Variants in TMEM213 observed in about 807,000 individuals in gnomAD.
The protein encoded by TMEM213 is transmembrane protein 213.
TMEM213 carries 7 observed loss-of-function variants against 11.6 expected under a neutral mutation model. The ratio of observed to expected loss-of-function variants is 0.60; its 90% CI spans 0.34 to 1.13. TMEM213 has a LOEUF of 1.13. Among genes scored for constraint, TMEM213 ranks in the 50% most tolerant of loss-of-function variants. The probability of loss-of-function intolerance (pLI) is 0.03; values close to 1 mark genes in which losing one functional copy is unlikely to be tolerated. For synonymous variants in TMEM213, 60 were observed against 58.3 expected (o/e 1.03, Z -0.13); for missense variants, 129 against 139.0 (o/e 0.93, Z 0.36).
In TMEM213 at chr7:138,798,129, C is replaced by G. The variant is rs1419317084; in HGVS notation, c.25C>G (p.Arg9Gly). 8 of 1,601,542 alleles carry G rather than the reference C, an allele frequency of 5.0e-6. No individual in the cohort carries two copies. Among genetic ancestry groups the G allele is most frequent in the South Asian group, 2.3e-5 (2 of 88,388 alleles). MQRLPAAT[R>G]ATLILSLAFA... ...CATGCAGCGCCTCCCCGCTGCCACC[C>G]GGGCCACCCTGATCCTCAGCCTGGC... The change falls in exon 1 of 3, where the codon CGG becomes GGG. Residue 9 changes from arginine to glycine, a missense_variant. Coordinates refer to ENST00000442682, the MANE Select transcript of TMEM213 (RefSeq NM_001085429.2).
chr7:138,801,415 A>G lies in TMEM213; in HGVS notation c.154+17A>G. ...AGTGCCTCAGTAAGCTTCTCCTGCC[A>G]ACTGCTCTAACCCCAGAACTGGCCC... On this transcript the variant is annotated intron_variant, in intron 2 of 2. Coordinates refer to ENST00000442682, the MANE Select transcript of TMEM213 (RefSeq NM_001085429.2). 3.1e-6 allele frequency: 5 copies of G among 1,596,052 alleles called. No individual in the cohort carries two copies. Among genetic ancestry groups the G allele is most frequent in the Non-Finnish European group, 4.3e-6 (5 of 1,171,182 alleles).
In TMEM213 at chr7:138,798,190, G is replaced by A. The variant is rs758318974; in HGVS notation, c.82+4G>A. 1.3e-5 allele frequency: 20 copies of A among 1,586,328 alleles called. No homozygotes were observed. Among genetic ancestry groups the A allele is most frequent in the Middle Eastern group, 1.7e-4 (1 of 6,028 alleles). On this transcript the variant is annotated splice_donor_region_variant and intron_variant, in intron 1 of 2. Coordinates refer to ENST00000442682, the MANE Select transcript of TMEM213 (RefSeq NM_001085429.2). ...CTCCACTCGGCTTGCTCGGCAGGTA[G>A]CGTTATGAGCTTTATTCATGGCCAG...
chr7:138,803,065 C>T lies in TMEM213; in HGVS notation c.320C>T (p.Ala107Val), dbSNP rs763336540. The T allele has an allele frequency of 7.4e-6, 12 of 1,612,818 alleles. 1 individual carries two copies. The highest frequency in any genetic ancestry group is 4.0e-5 in the African/African-American group (3 of 74,940). The change falls in exon 3 of 3, where the codon GCG (alanine) becomes GTG (valine). Residue 107 changes from alanine (A) to valine (V), a missense_variant. Transcript: ENST00000442682. ...CCAGATGAGCCCAAGGACTTGCAAG[C>T]GTGAGACCCAGGCTCGGTGCACAAA... ...LTPDEPKDLQ[A>V]
At position 138,803,870 on chromosome 7, in the gene TMEM213, A is replaced by C. The variant is rs894601366; in HGVS notation, c.*801A>C. The C allele has an allele frequency of 2.6e-5, 4 of 151,722 alleles. No individual in the cohort carries two copies. The highest frequency in any genetic ancestry group is 9.7e-5 in the African/African-American group (4 of 41,220). 9.4% of individuals were successfully genotyped at this position (151,722 alleles called of 1,614,324 possible). A position where few individuals can be genotyped will look rare whatever the true frequency, so the allele number is the denominator to read the frequency against. On this transcript the variant is annotated 3_prime_UTR_variant, in exon 3 of 3. Coordinates refer to ENST00000442682, the MANE Select transcript of TMEM213 (RefSeq NM_001085429.2). ...CACTTTGAGAGACTGAGACAGGAGG[A>C]TCACTTTAGCCCAGGAATTCGAGAC... is the stretch of plus-strand genomic sequence containing the variant.
rs562085152 is a variant in TMEM213, at chr7:138,802,893, C to T, written c.155-7C>T. 1 of 1,553,124 alleles carries T rather than the reference C, an allele frequency of 6.4e-7. No individual in the cohort carries two copies. Among genetic ancestry groups the T allele is most frequent in the Admixed American group, 2.0e-5 (1 of 50,014 alleles). On this transcript the variant is annotated splice_region_variant and splice_polypyrimidine_tract_variant and intron_variant, in intron 2 of 2. Coordinates refer to ENST00000442682, the MANE Select transcript of TMEM213 (RefSeq NM_001085429.2). ...TGCCGTCGTCCTTGCTGTCCCTTCC[C>T]CACCAGACGTGGACTTCTGCCCACA...
intron 1 of TMEM213, 71 bp downstream of exon 1, chr7:138,798,257 A>C: frequency 7.1e-7 from 1 of 1,411,714 alleles, no homozygotes; most frequent in Non-Finnish European, 9.7e-7. Flanking sequence ...GGTGGGAGGG[A>C]AAGAAGGAGG....
intron 2 of TMEM213, chr7:138,801,741 T>C (rs1296125738): frequency 3.3e-6 from 1 of 303,160 alleles, no homozygotes; most frequent in East Asian, 6.2e-5. Flanking sequence ...ATGCAACAGC[T>C]TGGTTTTGGC....
chr7:138,804,711 G>A lies in TMEM213; in HGVS notation c.*1642G>A, dbSNP rs962246007. ...AGGAGCCTCCATTTTTCTCCAGATG[G>A]TTGAAATAACCAGCCTCTGAAGGAG... On this transcript the variant is annotated 3_prime_UTR_variant, in exon 3 of 3. Coordinates refer to ENST00000442682, the MANE Select transcript of TMEM213 (RefSeq NM_001085429.2). The A allele has an allele frequency of 1.3e-5, 2 of 152,148 alleles. No homozygotes were observed. The highest frequency in any genetic ancestry group is 4.8e-5 in the African/African-American group (2 of 41,432). 9.4% of individuals were successfully genotyped at this position (152,148 alleles called of 1,614,324 possible).
chr7:138,800,707 T>TTCTTCTTCTTCTTCTTCTTC (rs1563030199), intron 1 of TMEM213, among the ~76,000 whole-genome samples: 17 of 123,210 alleles, frequency 1.4e-4, no homozygotes, highest in African/African-American at 5.1e-4. Context: ...TCTTCTTCTT[T>TTCTTCTTCTTCTTCTTCTTC]TTTTTTTTTT....
rs1317828848 is a variant in TMEM213, at chr7:138,801,308, C to A, written c.83-19C>A. 6.2e-7 allele frequency: 1 copy of A among 1,606,736 alleles called. No individual in the cohort carries two copies. Among genetic ancestry groups the A allele is most frequent in the Non-Finnish European group, 8.5e-7 (1 of 1,176,252 alleles). Reference sequence around the variant, plus strand: ...AGCTTTTGCCAGTGCCTCAGACTATCTCCTATCTTTTCTTCCAGAAGCAAG... The same window carrying A: ...AGCTTTTGCCAGTGCCTCAGACTATATCCTATCTTTTCTTCCAGAAGCAAG... On this transcript the variant is annotated intron_variant, in intron 1 of 2. Transcript: ENST00000442682.
intron 1 of TMEM213, among the ~76,000 whole-genome samples, chr7:138,799,922 C>T (rs1474710060): frequency 6.6e-6 from 1 of 152,124 alleles, no homozygotes; most frequent in African/African-American, 2.4e-5. Flanking sequence ...ACTCGTCCTG[C>T]TGTGACAACA....
rs556822995 is a variant in TMEM213, at chr7:138,801,580, C to T, written c.154+182C>T. On this transcript the variant is annotated intron_variant, in intron 2 of 2. Transcript: ENST00000442682. ...GAGCAGGTCTGAAAGGCTTTCTTGG[C>T]TCTGATCCCCATCTAGGTGCACAAT... The T allele has an allele frequency of 2.3e-4, 142 of 609,268 alleles. No individual in the cohort carries two copies. The Middle Eastern group carries it at 5.2e-3, about 22-fold the overall frequency. 37.7% of individuals were successfully genotyped at this position (609,268 alleles called of 1,614,324 possible). A position where few individuals can be genotyped will look rare whatever the true frequency, so the allele number is the denominator to read the frequency against.
chr7:138,798,292 T>C, intron 1 of TMEM213, 106 bp downstream of exon 1: 2 of 954,690 alleles, frequency 2.1e-6, no homozygotes, highest in South Asian at 1.6e-5. Context: ...TTGGCCAGGG[T>C]TGGTCCTGCG....
At position 138,803,453 on chromosome 7, in the gene TMEM213, G is replaced by A. The variant is rs1464453724; in HGVS notation, c.*384G>A. ...ACCAGGTTATCTGCTTCTGTCCCTG[G>A]CTTGAGTCCTGGGCTTAACTGTCAT... On this transcript the variant is annotated 3_prime_UTR_variant, in exon 3 of 3. Coordinates refer to ENST00000442682, the MANE Select transcript of TMEM213 (RefSeq NM_001085429.2). The A allele has an allele frequency of 1.4e-5, 3 of 216,280 alleles. No homozygotes were observed. Among genetic ancestry groups the A allele is most frequent in the African/African-American group, 4.8e-5 (2 of 42,016 alleles). The allele number at this position is 216,280 out of a possible 1,614,324, so 13.4% of individuals were successfully genotyped here. A position where few individuals can be genotyped will look rare whatever the true frequency, so the allele number is the denominator to read the frequency against.
At position 138,798,202 on chromosome 7, in the gene TMEM213, T is replaced by C. The variant is rs756730232; in HGVS notation, c.82+16T>C. 1.3e-6 allele frequency: 2 copies of C among 1,576,824 alleles called. No individual in the cohort carries two copies. Among genetic ancestry groups the C allele is most frequent in the East Asian group, 4.6e-5 (2 of 43,108 alleles). Reference sequence around the variant, plus strand: ...TGCTCGGCAGGTAGCGTTATGAGCTTTATTCATGGCCAGGCTGGGAAGGGG... The same window carrying C: ...TGCTCGGCAGGTAGCGTTATGAGCTCTATTCATGGCCAGGCTGGGAAGGGG... On this transcript the variant is annotated intron_variant, in intron 1 of 2. Coordinates refer to ENST00000442682, the MANE Select transcript of TMEM213 (RefSeq NM_001085429.2).
intron 1 of TMEM213, chr7:138,799,396 G>C (rs547382567): frequency 2.6e-5 from 4 of 152,306 alleles, no homozygotes; most frequent in East Asian, 3.9e-4. Flanking sequence ...CTTCCCAGCA[G>C]CTTTTCTTGT....
chr7:138,798,545 T>C (rs1056056021), intron 1 of TMEM213, among the ~76,000 whole-genome samples: 1 of 152,108 alleles, frequency 6.6e-6, no homozygotes, highest in Non-Finnish European at 1.5e-5. Context: ...TCCTGAAGGC[T>C]CCTTCTCAGC....
In TMEM213 at chr7:138,804,709, T is replaced by A. The variant is rs901319164; in HGVS notation, c.*1640T>A. 1 of 152,210 alleles carries A rather than the reference T, an allele frequency of 6.6e-6. No homozygotes were observed. Among genetic ancestry groups the A allele is most frequent in the Non-Finnish European group, 1.5e-5 (1 of 68,040 alleles). 9.4% of individuals were successfully genotyped at this position (152,210 alleles called of 1,614,324 possible). A position where few individuals can be genotyped will look rare whatever the true frequency, so the allele number is the denominator to read the frequency against. ...TTAGGAGCCTCCATTTTTCTCCAGA[T>A]GGTTGAAATAACCAGCCTCTGAAGG... is the stretch of plus-strand genomic sequence containing the variant. On this transcript the variant is annotated 3_prime_UTR_variant, in exon 3 of 3. Transcript: ENST00000442682.
At chr7:138,802,165 CA>C (rs5887905) in intron 2 of TMEM213, among the ~76,000 whole-genome samples, 91,270 of 149,812 alleles carry the variant, frequency 0.61, 27,658 homozygotes, top group East Asian at 0.71. Flanking sequence ...GACTCCCTCT[CA>C]AAAAAAAAAG....
Sources: allele counts gnomAD v4.1 joint callset (sites outside exome capture counted in the v4.1 genomes callset), GRCh38; gene constraint gnomAD v4.1.1; transcripts MANE v1.5; gene names NCBI Gene and HGNC (gene_info 2026-07-23, HGNC 2026-07-21).